The following ALPK2 variants were observed in gnomAD, a reference collection of about 807,000 sequenced individuals.
ALPK2 encodes the protein alpha kinase 2, also known as alpha-protein kinase 2.
Under a neutral mutation model 163.1 loss-of-function variants are expected in ALPK2, and 127 were observed. The observed-to-expected ratio is 0.78, with a 90% CI of 0.67 to 0.90. ALPK2 has a LOEUF of 0.90. Among genes scored for constraint, ALPK2 ranks in the 40% least tolerant of loss-of-function variants. ALPK2 has a pLI of 0.00. For missense variants in ALPK2, 2,360 were observed against 2,589.6 expected, an observed-to-expected ratio of 0.91 and a Z score of 1.92; for synonymous variants, 953 against 959.1, an observed-to-expected ratio of 0.99 and a Z score of 0.12.
At chr18:58,559,707 A>C (rs1239806711) in intron 4 of ALPK2, among the ~76,000 whole-genome samples, 2 of 152,186 alleles carry the variant, frequency 1.3e-5, no homozygotes, top group Non-Finnish European at 2.9e-5. Context: ...CATGCCAGGT[A>C]GATTGCCATT....
intron 5 of ALPK2, among the ~76,000 whole-genome samples, chr18:58,532,563 CTT>C (rs1157339872): frequency 2.6e-5 from 4 of 152,234 alleles, no homozygotes; most frequent in Admixed American, 6.5e-5. Context: ...CAGCACCACT[CTT>C]TCTCCTAATG....
At chr18:58,486,863 A>G (rs1392598229) in intron 12 of ALPK2, among the ~76,000 whole-genome samples, 1 of 152,218 alleles carries the variant, frequency 6.6e-6, no homozygotes, top group Non-Finnish European at 1.5e-5. Flanking sequence ...TAGATTGATT[A>G]TCCCAGATTC....
At chr18:58,514,755 C>A (rs1437267220) in intron 10 of ALPK2, among the ~76,000 whole-genome samples, 6 of 151,058 alleles carry the variant, frequency 4.0e-5, no homozygotes, top group Admixed American at 1.3e-4. Flanking sequence ...TCCATCCATC[C>A]ATTCATTTAT....
intron 5 of ALPK2, 147 bp from the exon 6 acceptor site, chr18:58,529,385 G>A (rs1331973145): frequency 1.1e-6 from 1 of 872,832 alleles, no homozygotes; most frequent in Admixed American, 3.4e-5. Flanking sequence ...GGGAGAGGTG[G>A]CTTGCCTAAA....
At chr18:58,622,044 G>A (rs2052203795) in intron 1 of ALPK2, among the ~76,000 whole-genome samples, 1 of 150,852 alleles carries the variant, frequency 6.6e-6, no homozygotes, top group South Asian at 2.1e-4. Context: ...AAAAGCTCAA[G>A]GTTAAATAAA....
Position 58,481,565 on chromosome 18 carries a change from T to C in ALPK2, c.*258A>G. The C allele has an allele frequency of 2.0e-6, 1 of 496,582 alleles. No individual in the cohort carries two copies. Among genetic ancestry groups the C allele is most frequent in the Non-Finnish European group, 3.6e-6 (1 of 274,992 alleles). 30.8% of individuals were successfully genotyped at this position (496,582 alleles called of 1,614,324 possible). Reference sequence around the variant, plus strand: ...GTGAGGTTGGTAAAAATGCTAAACATGTATATAAAGAATGGACTGTCTTTG... The same window carrying C: ...GTGAGGTTGGTAAAAATGCTAAACACGTATATAAAGAATGGACTGTCTTTG... On this transcript the variant is annotated 3_prime_UTR_variant, in exon 13 of 13. Transcript: ENST00000361673.
intron 12 of ALPK2, among the ~76,000 whole-genome samples, chr18:58,490,202 T>G (rs563005168): frequency 4.5e-4 from 69 of 152,386 alleles, no homozygotes; most frequent in Middle Eastern, 3.4e-3. Flanking sequence ...ATGGAGCTTT[T>G]GAGGGCGGGG....
At chr18:58,544,589 G>C (rs2051708008) in intron 4 of ALPK2, 2 of 152,234 alleles carry the variant, frequency 1.3e-5, no homozygotes, top group South Asian at 4.1e-4. Context: ...TAGCCAAGTG[G>C]ATGAAACTTA....
At chr18:58,523,189 T>G (rs2051564684) in intron 8 of ALPK2, among the ~76,000 whole-genome samples, 1 of 151,066 alleles carries the variant, frequency 6.6e-6, no homozygotes, top group Non-Finnish European at 1.5e-5. Flanking sequence ...TTGCGATAGT[T>G]TACTGAGAAT....
chr18:58,624,563 T>C (rs2052219676), intron 1 of ALPK2, among the ~76,000 whole-genome samples: 1 of 152,052 alleles, frequency 6.6e-6, no homozygotes, highest in South Asian at 2.1e-4. Flanking sequence ...CAAGCGATTC[T>C]CCTGCCTCAG....
chr18:58,623,048 C>T (rs1364903034), intron 1 of ALPK2, among the ~76,000 whole-genome samples: 1 of 151,992 alleles, frequency 6.6e-6, no homozygotes, highest in Admixed American at 6.6e-5. Flanking sequence ...TGAGCTAGAA[C>T]TTATTATGCT....
At position 58,503,528 on chromosome 18, in the gene ALPK2, C is replaced by CA. The variant is rs891369864; in HGVS notation, c.6247+402dup. Among the ~76,000 whole-genome samples, 107 of 149,658 alleles carry CA rather than the reference C, an allele frequency of 7.1e-4. 1 individual carries two copies. The highest frequency in any genetic ancestry group is 1.8e-3 in the African/African-American group (74 of 40,790). ...GAAACCGTCCAGGACGCTGTCTCTACAAAAAAAAAATTTTTTTTTAATTAG... is the reference window on the plus strand; with the variant it reads ...GAAACCGTCCAGGACGCTGTCTCTACAAAAAAAAAAATTTTTTTTTAATTAG... On this transcript the variant is annotated intron_variant, in intron 11 of 12. Transcript: ENST00000361673.
intron 11 of ALPK2, among the ~76,000 whole-genome samples, chr18:58,503,397 G>A (rs8085067): frequency 0.5 from 76,633 of 152,030 alleles, 20,303 homozygotes; most frequent in East Asian, 0.74. Flanking sequence ...ATGAATTATT[G>A]AAACGAAATG....
At position 58,540,161 on chromosome 18, in the gene ALPK2, C is replaced by T. The variant is rs77879756; in HGVS notation, c.1963-1937G>A. Among the ~76,000 whole-genome samples the T allele has an allele frequency of 1.7e-3, 264 of 152,100 alleles. 1 individual carries two copies. The highest frequency in any genetic ancestry group is 3.9e-3 in the Admixed American group (60 of 15,292). ...AAGGCCTGTTATAGCGATTAGCATG[C>T]GGTAGATGCTTACTAAGTGTTTGTT... On this transcript the variant is annotated intron_variant, in intron 4 of 12. Transcript: ENST00000361673.
chr18:58,587,976 G>T (rs936931105), intron 3 of ALPK2, among the ~76,000 whole-genome samples: 1 of 152,138 alleles, frequency 6.6e-6, no homozygotes, highest in African/African-American at 2.4e-5. Flanking sequence ...AAATACCCAA[G>T]GCTGAATAAC....
intron 4 of ALPK2, among the ~76,000 whole-genome samples, chr18:58,562,755 C>A (rs1342480461): frequency 6.6e-6 from 1 of 152,198 alleles, no homozygotes; most frequent in Non-Finnish European, 1.5e-5. Flanking sequence ...GCTGGGAAGT[C>A]CAAGACAAGG....
At chr18:58,543,322 A>C (rs1303559931) in intron 4 of ALPK2, 1 of 982,406 alleles carries the variant, frequency 1.0e-6, no homozygotes, top group Non-Finnish European at 1.2e-6. Flanking sequence ...GTTACAAGTA[A>C]AGAAAACGGA....
Position 58,536,585 on chromosome 18 carries a change from C to G in ALPK2, c.3602G>C (p.Gly1201Ala), listed in dbSNP as rs756480480. Reference protein sequence around the residue: ...TRVSVVAETAGEEDSQALSNV... With the variant: ...TRVSVVAETAAEEDSQALSNV... Reference sequence around the variant, plus strand: ...GCTCAGAGCCTGACTGTCTTCTTCCCCAGCAGTTTCAGCCACCACGGAGAC... The same window carrying G: ...GCTCAGAGCCTGACTGTCTTCTTCCGCAGCAGTTTCAGCCACCACGGAGAC... Residue 1201 changes from glycine to alanine, a missense_variant, in exon 5 of 13, where the codon GGG becomes GCG. Physicochemically the swap from Gly to Ala is moderately conservative, Grantham distance 60 (BLOSUM62 0). Transcript: ENST00000361673. The G allele has an allele frequency of 6.2e-7, 1 of 1,614,122 alleles. No homozygotes were observed. Among genetic ancestry groups the G allele is most frequent in the Middle Eastern group, 1.7e-4 (1 of 6,060 alleles).
chr18:58,513,428 A>C (rs916504662), intron 10 of ALPK2, among the ~76,000 whole-genome samples: 7 of 152,202 alleles, frequency 4.6e-5, no homozygotes, highest in Non-Finnish European at 8.8e-5. Context: ...AAAGTGGTTT[A>C]GATAGAAAAA....
Sources: gnomAD v4.1 joint callset for allele counts (sites outside exome capture counted in the v4.1 genomes callset) on GRCh38, gnomAD v4.1.1 for gene constraint, MANE v1.5 for transcripts, NCBI Gene and HGNC (gene_info 2026-07-23, HGNC 2026-07-21) for gene names.